The following CARS1 variants were observed in gnomAD, a reference collection of about 807,000 sequenced individuals.
The protein encoded by CARS1 is cysteine--tRNA ligase, cytoplasmic.
CARS1 carries 48 observed loss-of-function variants against 106.2 expected under a neutral mutation model. The ratio of observed to expected loss-of-function variants is 0.45; its 90% CI spans 0.36 to 0.57. CARS1 has a LOEUF of 0.57. Ranked by LOEUF, CARS1 falls within the 20% of genes least tolerant of loss-of-function variation. CARS1 has a pLI of 0.00. For synonymous variants in CARS1, 409 were observed against 403.4 expected (o/e 1.01, Z -0.17); for missense variants, 968 against 1,057.2 (o/e 0.92, Z 1.17).
Position 3,020,237 on chromosome 11 carries a change from G to A in CARS1, c.1249C>T (p.Pro417Ser), listed in dbSNP as rs1590378941. The A allele has an allele frequency of 1.9e-6, 3 of 1,609,118 alleles. No homozygotes were observed. The highest frequency in any genetic ancestry group is 2.6e-6 in the Non-Finnish European group (3 of 1,175,418). ...TCGCTCACCTTTCCCCAAGGGCACG[G>A]CCAGGACGGTTCTCCGGGCTTAGAG... ...KASKPGEPSW[P>S]CPWGKGRPGW... Residue 417 changes from proline (P) to serine (S), a missense_variant, in exon 11 of 23, where the codon CCG becomes TCG. Pro to Ser is a moderately conservative substitution (Grantham distance 74). Transcript: ENST00000380525. The surrounding 1 kb of genome is among the most constrained non-coding windows in gnomAD (Gnocchi z 4.6).
chr11:3,051,024 A>AATGGCACCACAGAGTGC (rs1855630613), intron 1 of CARS1, among the ~76,000 whole-genome samples: 4 of 152,252 alleles, frequency 2.6e-5, no homozygotes, highest in African/African-American at 9.6e-5. Flanking sequence ...TGGACAGCAG[A>AATGGCACCACAGAGTGC]ATGGCACCAC....
chr11:3,042,117 C>T, intron 3 of CARS1, 48 bp downstream of exon 3: 2 of 1,430,060 alleles, frequency 1.4e-6, no homozygotes, highest in African/African-American at 2.8e-5. Flanking sequence ...GTCCTGCCTC[C>T]TGCCTCCCCA....
Position 3,022,319 on chromosome 11 carries a change from C to T in CARS1, c.1154-1987G>A, listed in dbSNP as rs1014246554. ...CTGAAGACCTGCACCAAGGAACTGA[C>T]TCGTCGCAGAAATGTGGTTTACCTC... On this transcript the variant is annotated intron_variant, in intron 10 of 22. Coordinates refer to ENST00000380525, the MANE Select transcript of CARS1 (RefSeq NM_001014437.3). The surrounding 1 kb of genome is among the most constrained non-coding windows in gnomAD (Gnocchi z 4.9). Among the ~76,000 whole-genome samples the T allele has an allele frequency of 3.9e-5, 6 of 152,192 alleles. No homozygotes were observed. Among genetic ancestry groups the T allele is most frequent in the African/African-American group, 1.4e-4 (6 of 41,426 alleles).
Position 3,028,726 on chromosome 11 carries a change from T to G in CARS1, c.1031+270A>C. The G allele has an allele frequency of 2.0e-6, 1 of 508,808 alleles. No individual in the cohort carries two copies. The highest frequency in any genetic ancestry group is 3.5e-5 in the Admixed American group (1 of 28,280). The allele number at this position is 508,808 out of a possible 1,614,324, so 31.5% of individuals were successfully genotyped here. A position where few individuals can be genotyped will look rare whatever the true frequency, so the allele number is the denominator to read the frequency against. On this transcript the variant is annotated intron_variant, in intron 9 of 22. Transcript: ENST00000380525. This position sits in a 1 kb window ranked among gnomAD's most constrained non-coding sequence, Gnocchi z 4.4. ...ATTCGCACTCACCATTATGCAGCTC[T>G]GGGGCCCCATGACTGATGGTCTTGG...
Position 3,004,392 on chromosome 11 carries a change from C to T in CARS1, c.2217+974G>A, listed in dbSNP as rs1565010331. ...GATGCCTTCCCTGACCTTGTACATCCCATCTATCAATCAACCACCCTGTCG... is the reference window on the plus strand; with the variant it reads ...GATGCCTTCCCTGACCTTGTACATCTCATCTATCAATCAACCACCCTGTCG... On this transcript the variant is annotated intron_variant, in intron 20 of 22. Coordinates refer to ENST00000380525, the MANE Select transcript of CARS1 (RefSeq NM_001014437.3). This position sits in a 1 kb window ranked among gnomAD's most constrained non-coding sequence, Gnocchi z 5.2. Among the ~76,000 whole-genome samples the T allele has an allele frequency of 6.6e-6, 1 of 152,226 alleles. No homozygotes were observed. The highest frequency in any genetic ancestry group is 1.5e-5 in the Non-Finnish European group (1 of 68,040).
intron 21 of CARS1, 46 bp from the exon 22 acceptor site, chr11:3,002,099 G>C (rs987268898): frequency 7.6e-7 from 1 of 1,310,084 alleles, no homozygotes; most frequent in South Asian, 1.2e-5. Flanking sequence ...AGCAGCACCT[G>C]GGGCTCCGCA....
At position 3,017,939 on chromosome 11, in the gene CARS1, C is replaced by T. The variant is rs937780060; in HGVS notation, c.1645G>A (p.Val549Met). The change falls in exon 15 of 23, where the codon GTG becomes ATG. Residue 549 changes from valine to methionine, a missense_variant. Physicochemically the swap from Val to Met is conservative, Grantham distance 21. Coordinates refer to ENST00000380525, the MANE Select transcript of CARS1 (RefSeq NM_001014437.3). This position sits in a 1 kb window ranked among gnomAD's most constrained non-coding sequence, Gnocchi z 4.9. ...ACAGGAGCGCGAAGGATATCTTTCA[C>T]ATTTAAGAAAAACTCCTGAAGTTAG... ...EKFLNEFFLN[V>M]KDILRAPVDI... 2 of 1,612,894 alleles carry T rather than the reference C, an allele frequency of 1.2e-6. No homozygotes were observed. Among genetic ancestry groups the T allele is most frequent in the East Asian group, 2.2e-5 (1 of 44,902 alleles).
At chr11:3,007,282 C>T in intron 18 of CARS1, 1 of 399,594 alleles carries the variant, frequency 2.5e-6, no homozygotes, top group Non-Finnish European at 4.5e-6. Flanking sequence ...GAAAGGGACA[C>T]AAGTTGGGCC....
At chr11:3,027,030 C>G (rs1227823673) in intron 9 of CARS1, 1 of 467,576 alleles carries the variant, frequency 2.1e-6, no homozygotes, top group Non-Finnish European at 3.8e-6. Context: ...CTCTGCCTGG[C>G]GTCCTGTGAC....
chr11:3,041,037 C>T lies in CARS1; in HGVS notation c.367-53G>A, dbSNP rs748042666. ...CACAAGAAATGCAAGAAACACTGCACAGGATTACCAAAAACAGCAACAAAC... is the reference window on the plus strand; with the variant it reads ...CACAAGAAATGCAAGAAACACTGCATAGGATTACCAAAAACAGCAACAAAC... On this transcript the variant is annotated intron_variant, in intron 3 of 22. Coordinates refer to ENST00000380525, the MANE Select transcript of CARS1 (RefSeq NM_001014437.3). This position sits in a 1 kb window ranked among gnomAD's most constrained non-coding sequence, Gnocchi z 4.9. 6 of 1,613,016 alleles carry T rather than the reference C, an allele frequency of 3.7e-6. No homozygotes were observed. Among genetic ancestry groups the T allele is most frequent in the African/African-American group, 1.3e-5 (1 of 74,960 alleles).
At position 3,044,516 on chromosome 11, in the gene CARS1, C is replaced by T. The variant is rs1158012967; in HGVS notation, c.275-2260G>A. Among the ~76,000 whole-genome samples the T allele has an allele frequency of 6.6e-6, 1 of 152,062 alleles. No homozygotes were observed. Among genetic ancestry groups the T allele is most frequent in the African/African-American group, 2.4e-5 (1 of 41,410 alleles). On this transcript the variant is annotated intron_variant, in intron 2 of 22. Coordinates refer to ENST00000380525, the MANE Select transcript of CARS1 (RefSeq NM_001014437.3). The surrounding 1 kb of genome is among the most constrained non-coding windows in gnomAD (Gnocchi z 4.4). ...AGTTCAAGCGATTATCCTGCCTCAG[C>T]CTCCCAAGTAGCTAGGACTACAGGC...
At chr11:3,054,530 C>G (rs1411567871) in intron 1 of CARS1, among the ~76,000 whole-genome samples, 1 of 152,256 alleles carries the variant, frequency 6.6e-6, no homozygotes, top group Non-Finnish European at 1.5e-5. Flanking sequence ...TCTGCCTTAA[C>G]TCACTGGGTT....
rs1852364914 is a variant in CARS1, at chr11:3,028,616, G to A, written c.1031+380C>T. ...GCCAAGCGATAGATGCTGATGAAAT[G>A]CATCCTCCTTCGGGATATGACACCA... On this transcript the variant is annotated intron_variant, in intron 9 of 22. Coordinates refer to ENST00000380525, the MANE Select transcript of CARS1 (RefSeq NM_001014437.3). This position sits in a 1 kb window ranked among gnomAD's most constrained non-coding sequence, Gnocchi z 4.4. 2 of 291,736 alleles carry A rather than the reference G, an allele frequency of 6.9e-6. No homozygotes were observed. The highest frequency in any genetic ancestry group is 4.9e-5 in the Admixed American group (1 of 20,304). The allele number at this position is 291,736 out of a possible 1,614,324, so 18.1% of individuals were successfully genotyped here. A position where few individuals can be genotyped will look rare whatever the true frequency, so the allele number is the denominator to read the frequency against.
intron 9 of CARS1, 51 bp from the exon 10 acceptor site, chr11:3,026,848 G>C: frequency 2.5e-6 from 4 of 1,576,474 alleles, no homozygotes; most frequent in Non-Finnish European, 3.4e-6. Flanking sequence ...ACCCGAAAGT[G>C]TGTCAGCAGG....
intron 7 of CARS1, among the ~76,000 whole-genome samples, chr11:3,033,490 G>C (rs1285455504): frequency 6.6e-6 from 1 of 152,122 alleles, no homozygotes; most frequent in Non-Finnish European, 1.5e-5. Flanking sequence ...TAACTTTTAG[G>C]TAATTACTTC....
intron 1 of CARS1, among the ~76,000 whole-genome samples, chr11:3,049,557 A>C (rs1238013224): frequency 1.3e-5 from 2 of 152,140 alleles, no homozygotes; most frequent in East Asian, 3.9e-4. Context: ...CAAACCTTGA[A>C]CCAGTGATTG....
chr11:3,011,130 C>T (rs1232188402), intron 18 of CARS1, among the ~76,000 whole-genome samples: 1 of 152,242 alleles, frequency 6.6e-6, no homozygotes, highest in Non-Finnish European at 1.5e-5. Context: ...CCTAAGTCCT[C>T]AGTGTGTGTT....
intron 7 of CARS1, among the ~76,000 whole-genome samples, chr11:3,036,826 C>T (rs905062433): frequency 3.9e-5 from 6 of 152,154 alleles, no homozygotes; most frequent in Non-Finnish European, 5.9e-5. Flanking sequence ...CTATACACAA[C>T]AGAGTATCAT....
chr11:3,053,861 C>T lies in CARS1; in HGVS notation c.25+3482G>A, dbSNP rs970803361. On this transcript the variant is annotated intron_variant, in intron 1 of 22. Transcript: ENST00000380525. This position sits in a 1 kb window ranked among gnomAD's most constrained non-coding sequence, Gnocchi z 6.6. Reference sequence around the variant, plus strand: ...CTCACCCTGACCCTTTGCCCTCTGACCCTGCTACTTCAAAGGTCCCACCAG... The same window carrying T: ...CTCACCCTGACCCTTTGCCCTCTGATCCTGCTACTTCAAAGGTCCCACCAG... 4.7e-4 allele frequency among the ~76,000 whole-genome samples: 71 copies of T among 152,300 alleles called. 1 individual carries two copies. Among genetic ancestry groups the T allele is most frequent in the Non-Finnish European group, 2.2e-4 (15 of 68,022 alleles).
Sources: gnomAD v4.1 joint callset for allele counts (sites outside exome capture counted in the v4.1 genomes callset) on GRCh38, gnomAD v4.1.1 for gene constraint, Gnocchi (gnomAD v3.1) non-coding constraint, MANE v1.5 for transcripts, NCBI Gene and HGNC (gene_info 2026-07-23, HGNC 2026-07-21) for gene names.